The following PIBF1 variants were observed in gnomAD, a reference collection of about 807,000 sequenced individuals.
PIBF1 encodes the protein progesterone-induced-blocking factor 1.
Under a neutral mutation model 112.5 loss-of-function variants are expected in PIBF1, and 90 were observed. The observed-to-expected ratio is 0.80, with a 90% CI of 0.67 to 0.95. PIBF1 has a LOEUF of 0.95. Among genes scored for constraint, PIBF1 ranks in the 40% least tolerant of loss-of-function variants. The pLI, the probability that PIBF1 is intolerant of heterozygous loss-of-function variation, is 0.00. For synonymous variants in PIBF1, 301 were observed against 288.6 expected (o/e 1.04, Z -0.44); for missense variants, 915 against 852.3 (o/e 1.07, Z -0.92).
chr13:72,900,060 C>T (rs1323738441), intron 11 of PIBF1, among the ~76,000 whole-genome samples: 1 of 152,026 alleles, frequency 6.6e-6, no homozygotes, highest in East Asian at 1.9e-4. Flanking sequence ...GTTGAAAGAC[C>T]TTTACAAGGA....
intron 17 of PIBF1, among the ~76,000 whole-genome samples, chr13:73,001,525 C>T (rs2043865186): frequency 7.5e-6 from 1 of 133,358 alleles, no homozygotes; most frequent in Non-Finnish European, 1.5e-5. Context: ...CTACTGTTAA[C>T]TGGGTAATGG....
chr13:72,818,901 G>T (rs1301894773), intron 5 of PIBF1, among the ~76,000 whole-genome samples: 1 of 151,632 alleles, frequency 6.6e-6, no homozygotes, highest in Non-Finnish European at 1.5e-5. Context: ...CTCATTTTTC[G>T]CAGAGATTAC....
intron 9 of PIBF1, among the ~76,000 whole-genome samples, chr13:72,838,633 C>CT (rs1391596202): frequency 1.3e-5 from 2 of 152,156 alleles, no homozygotes; most frequent in Non-Finnish European, 2.9e-5. Flanking sequence ...TATTTGAACA[C>CT]TCAGCAGTGT....
At chr13:72,891,851 A>T (rs9543163) in intron 10 of PIBF1, among the ~76,000 whole-genome samples, 20,219 of 152,140 alleles carry the variant, frequency 0.13, 1,571 homozygotes, top group Non-Finnish European at 0.17. Context: ...GATGTAGTTA[A>T]ACATTTGAAT....
chr13:72,919,433 A>T (rs2041217015), intron 13 of PIBF1, among the ~76,000 whole-genome samples: 1 of 152,206 alleles, frequency 6.6e-6, no homozygotes, highest in South Asian at 2.1e-4. Context: ...ATTTTTAAAA[A>T]ATCAGTCCCA....
intron 5 of PIBF1, among the ~76,000 whole-genome samples, chr13:72,821,159 T>A (rs1480661290): frequency 2.6e-5 from 4 of 152,146 alleles, no homozygotes; most frequent in Non-Finnish European, 5.9e-5. Context: ...CCATTAGGGT[T>A]GGAGGGTGAA....
At chr13:72,908,472 T>G (rs2040776609) in intron 11 of PIBF1, 59 bp from the exon 12 acceptor site, 1 of 1,110,742 alleles carries the variant, frequency 9.0e-7, no homozygotes, top group South Asian at 1.9e-5. Context: ...CATCATGTTT[T>G]TGTCTTAACT....
intron 14 of PIBF1, among the ~76,000 whole-genome samples, chr13:72,934,525 C>G (rs569073008): frequency 6.6e-6 from 1 of 152,148 alleles, no homozygotes; most frequent in East Asian, 1.9e-4. Context: ...TTCAGGATCT[C>G]TATTCTTTGG....
intron 13 of PIBF1, among the ~76,000 whole-genome samples, chr13:72,929,847 T>G (rs1282071499): frequency 6.6e-6 from 1 of 152,110 alleles, no homozygotes; most frequent in African/African-American, 2.4e-5. Context: ...TAGAATGATA[T>G]TTAACACTAT....
chr13:73,003,006 A>AAAAAAAAAC (rs2043921458), intron 17 of PIBF1, among the ~76,000 whole-genome samples: 1 of 150,346 alleles, frequency 6.7e-6, no homozygotes, highest in Non-Finnish European at 1.5e-5. Context: ...AAAAAAAAAA[A>AAAAAAAAAC]AGCCTTAGGC....
intron 8 of PIBF1, among the ~76,000 whole-genome samples, chr13:72,834,496 A>G (rs2037263288): frequency 6.6e-6 from 1 of 152,184 alleles, no homozygotes; most frequent in South Asian, 2.1e-4. Context: ...GCACAATGTC[A>G]AGCACATGTA....
At chr13:72,927,043 C>T (rs957945514) in intron 13 of PIBF1, among the ~76,000 whole-genome samples, 1 of 151,702 alleles carries the variant, frequency 6.6e-6, no homozygotes, top group South Asian at 2.1e-4. Context: ...ATATTCATCA[C>T]CAAGAAAAAA....
chr13:72,944,768 TGTTG>T (rs985363912), intron 14 of PIBF1, among the ~76,000 whole-genome samples: 1 of 152,124 alleles, frequency 6.6e-6, no homozygotes, highest in Non-Finnish European at 1.5e-5. Context: ...CTGGGTTTTT[TGTTG>T]GTTGGTTTTT....
chr13:72,811,483 C>T (rs1044744222), intron 5 of PIBF1, among the ~76,000 whole-genome samples: 2 of 151,490 alleles, frequency 1.3e-5, no homozygotes, highest in Non-Finnish European at 2.9e-5. Context: ...GTAATCCCAG[C>T]TACTTGGGAG....
At chr13:72,928,797 A>G (rs2041616583) in intron 13 of PIBF1, among the ~76,000 whole-genome samples, 1 of 152,166 alleles carries the variant, frequency 6.6e-6, no homozygotes, top group African/African-American at 2.4e-5. Context: ...AAGCGGTATC[A>G]CCCTATCTGT....
chr13:72,957,901 G>A (rs112147170), intron 14 of PIBF1, among the ~76,000 whole-genome samples: 13 of 152,086 alleles, frequency 8.5e-5, no homozygotes, highest in East Asian at 1.9e-4. Flanking sequence ...GCAGTGAGCC[G>A]TGATTGCGCC....
At chr13:72,854,959 A>G (rs1422384905) in intron 10 of PIBF1, among the ~76,000 whole-genome samples, 1 of 152,188 alleles carries the variant, frequency 6.6e-6, no homozygotes, top group Admixed American at 6.6e-5. Context: ...ACTGATGGGC[A>G]TTATGGTAAA....
chr13:72,972,749 T>C (rs1221856271), intron 15 of PIBF1, among the ~76,000 whole-genome samples: 1 of 152,228 alleles, frequency 6.6e-6, no homozygotes, highest in East Asian at 1.9e-4. Flanking sequence ...TTGTAATCAT[T>C]CATTAGATAA....
intron 9 of PIBF1, among the ~76,000 whole-genome samples, chr13:72,849,003 A>G (rs774544549): frequency 2.0e-5 from 3 of 152,218 alleles, no homozygotes; most frequent in Non-Finnish European, 4.4e-5. Flanking sequence ...TGAAAAATAC[A>G]TTATTTGAAT....
Sources: gnomAD v4.1 joint callset for allele counts (sites outside exome capture counted in the v4.1 genomes callset) on GRCh38, gnomAD v4.1.1 for gene constraint, MANE v1.5 for transcripts, NCBI Gene and HGNC (gene_info 2026-07-23, HGNC 2026-07-21) for gene names.